Variants in GRSF1 observed in about 807,000 individuals in gnomAD.
GRSF1 encodes the protein G-rich RNA sequence binding factor 1, also known as G-rich sequence factor 1.
A neutral mutation model predicts 51.1 loss-of-function variants in GRSF1; 50 were observed. The observed-to-expected ratio is 0.98, with a 90% CI of 0.78 to 1.24. The LOEUF is 1.24. Among genes scored for constraint, GRSF1 ranks in the 50% most tolerant of loss-of-function variants. The pLI is 0.00. For synonymous variants in GRSF1, 293 were observed against 253.3 expected, an observed-to-expected ratio of 1.16 and a Z score of -1.49; for missense variants, 700 against 639.7, an observed-to-expected ratio of 1.09 and a Z score of -1.02.
chr4:70,833,129 C>G lies in GRSF1; in HGVS notation c.659G>C (p.Arg220Pro). ...LEKHRMYMGQRYVEVYEINNE... is the reference protein window; with the variant it reads ...LEKHRMYMGQPYVEVYEINNE... ...CTGACTTCACATACCTTCCACATAC[C>G]GCTGGCCCATGTACATGCGGTGCTT... Residue 220 changes from arginine (R) to proline (P), a missense_variant, in exon 3 of 10, where the codon CGG (arginine) becomes CCG (proline). Transcript: ENST00000254799. 1 of 1,613,788 alleles carries G rather than the reference C, an allele frequency of 6.2e-7. No individual in the cohort carries two copies. The highest frequency in any genetic ancestry group is 1.1e-5 in the South Asian group (1 of 91,054).
rs1206533259 is a variant in GRSF1 at position 70,820,499 on chromosome 4, C to CA, written c.*387dup. On this transcript the variant is annotated 3_prime_UTR_variant, in exon 10 of 10. Transcript: ENST00000254799. ...TACATCAGAGCACTCAATTCACAGG[C>CA]AAAAAAAAAAAGTTACTTTTTAAAT... 8.3e-4 allele frequency: 118 copies of CA among 142,340 alleles called. No individual in the cohort carries two copies. The highest frequency in any genetic ancestry group is 2.4e-3 in the Admixed American group (34 of 14,226). 8.8% of individuals were successfully genotyped at this position (142,340 alleles called of 1,614,324 possible).
intron 7 of GRSF1, 43 bp from the exon 8 acceptor site, chr4:70,825,474 T>C: frequency 6.5e-7 from 1 of 1,539,920 alleles, no homozygotes. Context: ...ATGATGGATG[T>C]AAACCTACCT....
Position 70,833,285 on chromosome 4 carries a change from T to C in GRSF1, c.515-12A>G, listed in dbSNP as rs772667185. ...GCGGATTCTGCAGTCTAAAAGTGTATGAGCAAAATCAATTGAAAACAGAAA... is the reference window on the plus strand; with the variant it reads ...GCGGATTCTGCAGTCTAAAAGTGTACGAGCAAAATCAATTGAAAACAGAAA... On this transcript the variant is annotated splice_polypyrimidine_tract_variant and intron_variant, in intron 2 of 9. Coordinates refer to ENST00000254799, the MANE Select transcript of GRSF1 (RefSeq NM_002092.4). 2 of 1,609,438 alleles carry C rather than the reference T, an allele frequency of 1.2e-6. No homozygotes were observed. The highest frequency in any genetic ancestry group is 1.7e-6 in the Non-Finnish European group (2 of 1,177,754).
At chr4:70,825,805 G>T in intron 7 of GRSF1, 1 of 299,956 alleles carries the variant, frequency 3.3e-6, no homozygotes, top group Non-Finnish European at 6.2e-6. Flanking sequence ...GGTGGCGCCT[G>T]CCTGTAATCC....
intron 4 of GRSF1, 86 bp from the exon 5 acceptor site, chr4:70,831,760 T>C (rs1733979024): frequency 2.4e-6 from 3 of 1,240,262 alleles, no homozygotes; most frequent in Non-Finnish European, 3.3e-6. Flanking sequence ...ATAAAATTTT[T>C]ATTCTGTTTT....
At chr4:70,821,600 C>T (rs755558035) in intron 9 of GRSF1, among the ~76,000 whole-genome samples, 15 of 142,166 alleles carry the variant, frequency 1.1e-4, no homozygotes, top group East Asian at 8.0e-4. Context: ...AGAGAGACTC[C>T]GTCTCCCAAA....
At chr4:70,832,150 A>G (rs965042416) in intron 4 of GRSF1, among the ~76,000 whole-genome samples, 157 bp downstream of exon 4, 5 of 152,120 alleles carry the variant, frequency 3.3e-5, no homozygotes, top group African/African-American at 1.2e-4. Flanking sequence ...ACACATATAA[A>G]ATCTATAAAT....
Position 70,831,684 on chromosome 4 carries a change from C to T in GRSF1, c.815-10G>A. On this transcript the variant is annotated splice_polypyrimidine_tract_variant and intron_variant, in intron 4 of 9. Transcript: ENST00000254799. ...TCAACTATATTCAGTCCTAGGACAC[C>T]AAGAGATTTTAATGCTACTAGCAGG... The T allele has an allele frequency of 6.3e-7, 1 of 1,599,354 alleles. No individual in the cohort carries two copies. The highest frequency in any genetic ancestry group is 1.3e-5 in the African/African-American group (1 of 74,100).
rs1386833262 is a variant in GRSF1 at position 70,817,619 on chromosome 4, CA to C, written c.*3267del. 6.6e-6 allele frequency: 1 copy of C among 152,154 alleles called. No individual in the cohort carries two copies. Among genetic ancestry groups the C allele is most frequent in the African/African-American group, 2.4e-5 (1 of 41,434 alleles). 9.4% of individuals were successfully genotyped at this position (152,154 alleles called of 1,614,324 possible). A position where few individuals can be genotyped will look rare whatever the true frequency, so the allele number is the denominator to read the frequency against. ...AGCTAAAATGCAAGAGTGACATCACCAAATACTAATGAGGGTGAGGAGCTAC... is the reference window on the plus strand; with the variant it reads ...AGCTAAAATGCAAGAGTGACATCACCAATACTAATGAGGGTGAGGAGCTAC... On this transcript the variant is annotated 3_prime_UTR_variant, in exon 10 of 10. Transcript: ENST00000254799.
chr4:70,826,373 T>C, intron 6 of GRSF1, 128 bp from the exon 7 acceptor site: 1 of 700,078 alleles, frequency 1.4e-6, no homozygotes. Context: ...GCCAAAATGA[T>C]CTGAAATTTC....
upstream of GRSF1, among the ~76,000 whole-genome samples, chr4:70,840,707 G>A (rs1280518058): frequency 6.6e-6 from 1 of 152,184 alleles, no homozygotes; most frequent in Non-Finnish European, 1.5e-5. Flanking sequence ...AGGTTGCAGT[G>A]AGCCAAGATC....
chr4:70,816,851 G>C lies in GRSF1; in HGVS notation c.*4036C>G, dbSNP rs1318727479. On this transcript the variant is annotated 3_prime_UTR_variant, in exon 10 of 10. Transcript: ENST00000254799. ...GATGAGACTGCAGGAGGCAGGCTAT[G>C]GGATAAAGCATGGCAAAATGCTGCT... 2 of 152,216 alleles carry C rather than the reference G, an allele frequency of 1.3e-5. No homozygotes were observed. Among genetic ancestry groups the C allele is most frequent in the Admixed American group, 1.3e-4 (2 of 15,272 alleles). The allele number at this position is 152,216 out of a possible 1,614,324, so 9.4% of individuals were successfully genotyped here. A position where few individuals can be genotyped will look rare whatever the true frequency, so the allele number is the denominator to read the frequency against.
In GRSF1 at chr4:70,826,521, T is replaced by C. The variant is rs118103296; in HGVS notation, c.1136-276A>G. 4.7e-3 allele frequency among the ~76,000 whole-genome samples: 704 copies of C among 150,222 alleles called. 30 individuals are homozygous for C. The East Asian group carries it at 0.085, about 18-fold the overall frequency. ...GAATTAAACCCTAAAAGAGACTTTCTAGATTATAGGCACTGAAAAAAAAAA... is the reference window on the plus strand; with the variant it reads ...GAATTAAACCCTAAAAGAGACTTTCCAGATTATAGGCACTGAAAAAAAAAA... On this transcript the variant is annotated intron_variant, in intron 6 of 9. Transcript: ENST00000254799.
At chr4:70,838,006 C>T (rs963896007) in intron 1 of GRSF1, among the ~76,000 whole-genome samples, 2 of 151,368 alleles carry the variant, frequency 1.3e-5, no homozygotes, top group Non-Finnish European at 3.0e-5. Flanking sequence ...CAGAGGCGGG[C>T]GGATCACGAG....
chr4:70,825,956 CT>C, intron 7 of GRSF1, 167 bp downstream of exon 7: 1 of 609,054 alleles, frequency 1.6e-6, no homozygotes, highest in Non-Finnish European at 2.9e-6. Context: ...CCAAGCCACA[CT>C]TTTCAGCTAC....
intron 5 of GRSF1, among the ~76,000 whole-genome samples, chr4:70,828,305 T>G (rs1280447896): frequency 6.6e-6 from 1 of 152,208 alleles, no homozygotes; most frequent in Non-Finnish European, 1.5e-5. Context: ...TTTTGCTTCA[T>G]GAGAACAACT....
chr4:70,838,327 G>GAA (rs60018693), intron 1 of GRSF1, among the ~76,000 whole-genome samples: 29 of 149,558 alleles, frequency 1.9e-4, no homozygotes, highest in Admixed American at 2.7e-4. Context: ...CAATTTCATA[G>GAA]AAAAAAAAAG....
Position 70,839,722 on chromosome 4 carries a change from C to A in GRSF1, c.106G>T (p.Ala36Ser). 6.7e-7 allele frequency: 1 copy of A among 1,494,572 alleles called. No individual in the cohort carries two copies. The highest frequency in any genetic ancestry group is 8.8e-7 in the Non-Finnish European group (1 of 1,130,200). 92.6% of individuals were successfully genotyped at this position (1,494,572 alleles called of 1,614,324 possible). A position where few individuals can be genotyped will look rare whatever the true frequency, so the allele number is the denominator to read the frequency against. The change falls in exon 1 of 10, where the codon GCT becomes TCT. Residue 36 changes from alanine to serine, a missense_variant. Coordinates refer to ENST00000254799, the MANE Select transcript of GRSF1 (RefSeq NM_002092.4). Reference protein sequence around the residue: ...GAACLPFYSAAGSIPSGVSGR... With the variant: ...GAACLPFYSASGSIPSGVSGR... ...GAGACGCCCGACGGGATAGAGCCAG[C>A]GGCGGAGTAGAAGGGCAGGCAGGCG... is the stretch of plus-strand genomic sequence containing the variant.
At chr4:70,831,248 G>C (rs940039474) in intron 5 of GRSF1, among the ~76,000 whole-genome samples, 1 of 152,018 alleles carries the variant, frequency 6.6e-6, no homozygotes, top group Non-Finnish European at 1.5e-5. Context: ...CCAGCTACTT[G>C]GGAGGCTGAG....
Sources: gnomAD v4.1 joint callset for allele counts (sites outside exome capture counted in the v4.1 genomes callset) on GRCh38, gnomAD v4.1.1 for gene constraint, MANE v1.5 for transcripts, NCBI Gene and HGNC (gene_info 2026-07-23, HGNC 2026-07-21) for gene names.